The following ANK2 variants were observed in gnomAD, a reference collection of about 807,000 sequenced individuals.
The protein encoded by ANK2 is ankyrin 2, also known as ankyrin-2.
Under a neutral mutation model 360.5 loss-of-function variants are expected in ANK2, and 83 were observed. The observed-to-expected ratio is 0.23, with a 90% CI of 0.19 to 0.28. The LOEUF (loss-of-function observed/expected upper bound fraction) is 0.28, where lower values mean the gene tolerates loss of function less well. Among genes scored for constraint, ANK2 ranks in the 10% least tolerant of loss-of-function variants. The pLI, the probability that ANK2 is intolerant of heterozygous loss-of-function variation, is 1.00. For missense variants in ANK2, 4,201 were observed against 4,795.7 expected, an observed-to-expected ratio of 0.88 and a Z score of 3.66; for synonymous variants, 1,740 against 1,759.5, an observed-to-expected ratio of 0.99 and a Z score of 0.28.
At position 113,339,236 on chromosome 4, in the gene ANK2, C is replaced by A. The variant is rs759239926; in HGVS notation, c.3807C>A (p.Thr1269=). The change falls in exon 32 of 46, where the codon ACC becomes ACA. Residue 1269 remains threonine (T), a synonymous_variant. Transcript: ENST00000357077. ...ATCATATTATTTCAGGTGGAACCAC[C>A]CCTGCCCAGTGGGAAGATATTACAG... ...RLLCSITGGT[T]PAQWEDITGT... is the part of the protein sequence containing the mutation. 64 of 1,613,176 alleles carry A rather than the reference C, an allele frequency of 4.0e-5. No individual in the cohort carries two copies. In the Middle Eastern group the frequency reaches 8.3e-4, roughly 21 times the overall value.
chr4:112,863,683 C>T (rs556652688), intron 1 of ANK2, among the ~76,000 whole-genome samples: 18 of 151,970 alleles, frequency 1.2e-4, no homozygotes, highest in Non-Finnish European at 2.4e-4. Context: ...CCACCACGCC[C>T]GGCTAATTTT....
At chr4:112,795,455 T>C in the ANK2 span, among the ~76,000 whole-genome samples, 1 of 152,096 alleles carries the variant, frequency 6.6e-6, no homozygotes, top group African/African-American at 2.4e-5. Context: ...ACCCTAAAGT[T>C]AGATAAATGT....
chr4:112,948,371 CTG>C (rs1361052214), intron 2 of ANK2, among the ~76,000 whole-genome samples: 1 of 151,974 alleles, frequency 6.6e-6, no homozygotes, highest in African/African-American at 2.4e-5. Flanking sequence ...AACATTTTAA[CTG>C]TTTGGATTAA....
intron 5 of ANK2, among the ~76,000 whole-genome samples, chr4:113,232,898 T>C (rs1422679524): frequency 6.6e-6 from 1 of 152,132 alleles, no homozygotes; most frequent in Non-Finnish European, 1.5e-5. Flanking sequence ...TTCTTTGTAT[T>C]TTCCCTCTCA....
chr4:113,009,875 G>A (rs2054132076), intron 2 of ANK2, among the ~76,000 whole-genome samples: 1 of 151,780 alleles, frequency 6.6e-6, no homozygotes, highest in African/African-American at 2.4e-5. Context: ...CTTCATTAAT[G>A]AGCCCAAAGG....
chr4:113,028,891 A>C (rs2059815108), intron 2 of ANK2, among the ~76,000 whole-genome samples: 1 of 152,122 alleles, frequency 6.6e-6, no homozygotes, highest in South Asian at 2.1e-4. Flanking sequence ...CTGTATGTGA[A>C]CCCAATATAC....
At chr4:113,071,295 C>T (rs560921790) in intron 1 of ANK2, among the ~76,000 whole-genome samples, 5 of 152,208 alleles carry the variant, frequency 3.3e-5, no homozygotes, top group South Asian at 2.1e-4. Flanking sequence ...ATTCAGCAGA[C>T]GGGATAGTAG....
chr4:112,850,755 A>T (rs1452770669), intron 1 of ANK2, among the ~76,000 whole-genome samples: 1 of 150,962 alleles, frequency 6.6e-6, no homozygotes, highest in African/African-American at 2.4e-5. Context: ...TGACCTCGTG[A>T]TCCGCCCGCC....
intron 2 of ANK2, among the ~76,000 whole-genome samples, chr4:112,999,173 C>T (rs1358383954): frequency 6.6e-6 from 1 of 152,142 alleles, no homozygotes; most frequent in Non-Finnish European, 1.5e-5. Context: ...GCAATACAGA[C>T]AGATGCTAAT....
At chr4:112,979,398 G>C (rs552902439) in intron 2 of ANK2, among the ~76,000 whole-genome samples, 1 of 152,134 alleles carries the variant, frequency 6.6e-6, no homozygotes, top group African/African-American at 2.4e-5. Flanking sequence ...CAGGGACTGC[G>C]GAGCCCCAAA....
intron 1 of ANK2, among the ~76,000 whole-genome samples, chr4:113,111,337 T>C (rs2094279744): frequency 6.6e-6 from 1 of 152,194 alleles, no homozygotes; most frequent in Non-Finnish European, 1.5e-5. Context: ...TCCCTTGAGA[T>C]GCTAAAGCTG....
intron 4 of ANK2, among the ~76,000 whole-genome samples, chr4:113,230,292 C>G (rs529760359): frequency 1.1e-4 from 16 of 152,020 alleles, no homozygotes; most frequent in Admixed American, 6.6e-5. Flanking sequence ...TTATATTTTG[C>G]TGGATGTTGG....
At chr4:113,336,185 G>A in intron 30 of ANK2, 128 bp downstream of exon 30, 4 of 1,010,490 alleles carry the variant, frequency 4.0e-6, no homozygotes, top group Middle Eastern at 3.2e-4. Flanking sequence ...TAATGGTAAA[G>A]CTAAAGTCAA....
chr4:112,887,331 A>G (rs567338151), intron 1 of ANK2, among the ~76,000 whole-genome samples: 1 of 152,332 alleles, frequency 6.6e-6, no homozygotes, highest in Admixed American at 6.5e-5. Flanking sequence ...TTAAATTTTG[A>G]TGTTTCCCCA....
intron 19 of ANK2, 122 bp from the exon 20 acceptor site, chr4:113,288,266 T>A (rs2065725658): frequency 1.2e-6 from 1 of 838,688 alleles, no homozygotes; most frequent in Middle Eastern, 3.5e-4. Flanking sequence ...AATAATATCT[T>A]TAGTCAAATG....
upstream of ANK2, among the ~76,000 whole-genome samples, chr4:112,813,787 T>C (rs1455007756): frequency 6.6e-6 from 1 of 152,194 alleles, no homozygotes; most frequent in Non-Finnish European, 1.5e-5. Flanking sequence ...CTACCCATCT[T>C]GGCCACCCAA....
intron 1 of ANK2, among the ~76,000 whole-genome samples, chr4:113,163,803 C>G (rs113194139): frequency 0.013 from 1,745 of 136,300 alleles, 32 homozygotes; most frequent in African/African-American, 0.049. Context: ...GAAAACCCAG[C>G]TTTATGGAGA....
the ANK2 span, among the ~76,000 whole-genome samples, chr4:112,773,659 A>G: frequency 2.0e-5 from 3 of 152,208 alleles, no homozygotes; most frequent in Non-Finnish European, 4.4e-5. Context: ...ACATTCATGC[A>G]TTCAACTTGT....
chr4:112,888,706 A>G (rs1196957281), intron 1 of ANK2, among the ~76,000 whole-genome samples: 1 of 152,206 alleles, frequency 6.6e-6, no homozygotes, highest in Non-Finnish European at 1.5e-5. Flanking sequence ...AGATTATTTC[A>G]ATCTGGCACT....
Sources: allele counts gnomAD v4.1 joint callset (sites outside exome capture counted in the v4.1 genomes callset), GRCh38; gene constraint gnomAD v4.1.1; transcripts MANE v1.5; gene names NCBI Gene and HGNC (gene_info 2026-07-23, HGNC 2026-07-21).